The following NHSL2 variants were observed in gnomAD, a reference collection of about 807,000 sequenced individuals.
NHSL2 encodes the protein NHS like 2, also known as NHS-like protein 2.
In NHSL2, 27 loss-of-function variants were observed where a neutral mutation model predicts 53.4. The observed-to-expected ratio is 0.51, with a 90% CI of 0.37 to 0.70. The LOEUF (loss-of-function observed/expected upper bound fraction) is 0.70. Ranked by LOEUF, NHSL2 falls within the 30% of genes least tolerant of loss-of-function variation. NHSL2 has a pLI of 0.00. For synonymous variants in NHSL2, 408 were observed against 404.1 expected, an observed-to-expected ratio of 1.01 and a Z score of -0.12; for missense variants, 892 against 980.1, an observed-to-expected ratio of 0.91 and a Z score of 1.20.
At chrX:72,049,079 GGGA>G (rs774267618) in intron 1 of NHSL2, among the ~76,000 whole-genome samples, 15 of 109,267 alleles carry the variant, frequency 1.4e-4, no homozygotes, top group Non-Finnish European at 2.9e-4. Context: ...GGAGGAGGAG[GGGA>G]GGAGGAGGAG....
chrX:72,120,844 A>G (rs1405112308), intron 1 of NHSL2, among the ~76,000 whole-genome samples: 1 of 112,723 alleles, frequency 8.9e-6, no homozygotes, highest in Middle Eastern at 4.2e-3. Context: ...GCTATGGTGC[A>G]TGAGGCTGTC....
At chrX:71,990,976 C>T (rs985697933) in intron 1 of NHSL2, among the ~76,000 whole-genome samples, 10 of 112,450 alleles carry the variant, frequency 8.9e-5, no homozygotes, top group African/African-American at 3.2e-4. Context: ...GAGTCAGGAC[C>T]TGTTTGCTGA....
At chrX:72,087,509 C>G (rs1386358540) in intron 1 of NHSL2, among the ~76,000 whole-genome samples, 1 of 112,709 alleles carries the variant, frequency 8.9e-6, no homozygotes, top group Non-Finnish European at 1.9e-5. Context: ...TTGTGTCTTA[C>G]GTATATTTTA....
intron 1 of NHSL2, among the ~76,000 whole-genome samples, chrX:71,911,618 C>T (rs2041603211): frequency 8.9e-6 from 1 of 112,588 alleles, no homozygotes; most frequent in Non-Finnish European, 1.9e-5. Flanking sequence ...GGACTCCCGA[C>T]CCTGGGGTTG....
Position 72,137,152 on chromosome X carries a change from C to T in NHSL2, c.819C>T (p.Ala273=), listed in dbSNP as rs1487000969. The change falls in exon 5 of 8, where the codon GCC becomes GCT. Residue 273 remains alanine, a synonymous_variant. Transcript: ENST00000633930. The part of the protein sequence containing the change: ...LRHSLFNTET[A]VNPKSTLRRR... Reference sequence around the variant, plus strand: ...ACTCGTTGTTTAACACAGAGACAGCCGTGAACCCCAAGTCCACCCTGAGGC... The same window carrying T: ...ACTCGTTGTTTAACACAGAGACAGCTGTGAACCCCAAGTCCACCCTGAGGC... 7 of 1,163,142 alleles carry T rather than the reference C, an allele frequency of 6.0e-6. No individual in the cohort carries two copies. The highest frequency in any genetic ancestry group is 3.3e-5 in the East Asian group (1 of 30,702).
chrX:72,076,865 A>G (rs1292147470), intron 1 of NHSL2, among the ~76,000 whole-genome samples: 2 of 111,768 alleles, frequency 1.8e-5, no homozygotes, highest in Non-Finnish European at 3.8e-5. Flanking sequence ...TTCCTGTCAA[A>G]ATCTCCCAGA....
intron 1 of NHSL2, chrX:72,129,514 A>G (rs2042261682): frequency 3.8e-6 from 1 of 264,715 alleles, no homozygotes; most frequent in Non-Finnish European, 6.7e-6. Flanking sequence ...CAGAGGGGAA[A>G]TACAAGAGGG....
intron 1 of NHSL2, among the ~76,000 whole-genome samples, chrX:71,948,529 G>A (rs1026374161): frequency 9.0e-6 from 1 of 111,287 alleles, no homozygotes; most frequent in Non-Finnish European, 1.9e-5. Context: ...TTACTCTTCT[G>A]AATTAAAAAA....
At chrX:72,065,152 C>T (rs1010106665) in intron 1 of NHSL2, among the ~76,000 whole-genome samples, 1 of 111,737 alleles carries the variant, frequency 8.9e-6, no homozygotes, top group African/African-American at 3.3e-5. Flanking sequence ...GCATGTGGAG[C>T]TTTCAGAGGG....
chrX:72,094,299 A>T (rs941669324), intron 1 of NHSL2, among the ~76,000 whole-genome samples: 1 of 111,684 alleles, frequency 9.0e-6, no homozygotes, highest in African/African-American at 3.3e-5. Context: ...AAAGAATGGT[A>T]TGGACAATTT....
At chrX:72,034,206 G>A (rs1441853421) in intron 1 of NHSL2, among the ~76,000 whole-genome samples, 1 of 111,999 alleles carries the variant, frequency 8.9e-6, no homozygotes, top group Non-Finnish European at 1.9e-5. Context: ...TGTTGATGTA[G>A]TAGATTACAT....
chrX:72,025,196 G>A (rs749866902), intron 1 of NHSL2, among the ~76,000 whole-genome samples: 30 of 112,297 alleles, frequency 2.7e-4, no homozygotes, highest in African/African-American at 8.7e-4. Flanking sequence ...ACAATTATTT[G>A]TCAATGAAAA....
intron 1 of NHSL2, among the ~76,000 whole-genome samples, chrX:71,943,838 T>A (rs139053878): frequency 1.7e-3 from 188 of 112,158 alleles, no homozygotes; most frequent in Non-Finnish European, 3.2e-3. Flanking sequence ...TAACAAAAAG[T>A]TTAGAGTTAG....
intron 1 of NHSL2, among the ~76,000 whole-genome samples, chrX:71,943,512 C>T (rs1227992769): frequency 8.9e-6 from 1 of 112,865 alleles, no homozygotes; most frequent in Non-Finnish European, 1.9e-5. Flanking sequence ...TAGGTCTTTA[C>T]TATTCCACAG....
chrX:72,134,434 TA>T, intron 3 of NHSL2, 74 bp from the exon 4 acceptor site: 2 of 959,338 alleles, frequency 2.1e-6, no homozygotes, highest in Non-Finnish European at 2.9e-6. Context: ...CTACCCAGCC[TA>T]AACAGCCACC....
chrX:72,106,443 A>G lies in NHSL2; in HGVS notation c.281-25636A>G, dbSNP rs762846283. Among the ~76,000 whole-genome samples the G allele has an allele frequency of 7.1e-5, 8 of 112,330 alleles. No homozygotes were observed. In the Admixed American group the frequency reaches 7.5e-4, roughly 11 times the overall value. On this transcript the variant is annotated intron_variant, in intron 1 of 7. Transcript: ENST00000633930. ...CCATCTCATGCCAGTTAGAATGGCG[A>G]TCATTAAAAAGTCAGGAAACAACAG...
At chrX:72,038,928 GA>G (rs1382654732) in intron 1 of NHSL2, among the ~76,000 whole-genome samples, 1 of 111,390 alleles carries the variant, frequency 9.0e-6, no homozygotes, top group Non-Finnish European at 1.9e-5. Context: ...TTAGCTGTGA[GA>G]AAAAAAACAT....
At chrX:72,114,405 C>T (rs1415708562) in intron 1 of NHSL2, among the ~76,000 whole-genome samples, 2 of 111,705 alleles carry the variant, frequency 1.8e-5, no homozygotes. Flanking sequence ...TATGTCAATG[C>T]GCCTCTCACA....
chrX:72,061,751 A>G (rs1483671679), intron 1 of NHSL2, among the ~76,000 whole-genome samples: 3 of 111,807 alleles, frequency 2.7e-5, no homozygotes, highest in African/African-American at 9.8e-5. Flanking sequence ...CTTCCTTTCC[A>G]TTTCTCAAAG....
Sources: gnomAD v4.1 joint callset for allele counts (sites outside exome capture counted in the v4.1 genomes callset) on GRCh38, gnomAD v4.1.1 for gene constraint, MANE v1.5 for transcripts, NCBI Gene and HGNC (gene_info 2026-07-23, HGNC 2026-07-21) for gene names.